Variants in TANK observed in about 807,000 individuals in gnomAD.
The protein encoded by TANK is TRAF family member-associated NF-kappa-B activator.
TANK carries 15 observed loss-of-function variants against 43.6 expected under a neutral mutation model. The ratio of observed to expected loss-of-function variants is 0.34; its 90% CI spans 0.23 to 0.53. The LOEUF (loss-of-function observed/expected upper bound fraction) is 0.53. Among genes scored for constraint, TANK ranks in the 20% least tolerant of loss-of-function variants. The probability of loss-of-function intolerance (pLI) is 0.94; values close to 1 mark genes in which losing one functional copy is unlikely to be tolerated. For missense variants in TANK, 417 were observed against 498.6 expected (o/e 0.84, Z 1.56); for synonymous variants, 162 against 178.2 (o/e 0.91, Z 0.73).
At chr2:161,198,985 C>T (rs1203204602) in intron 2 of TANK, among the ~76,000 whole-genome samples, 2 of 152,092 alleles carry the variant, frequency 1.3e-5, no homozygotes, top group East Asian at 1.9e-4. Flanking sequence ...TGTTTGATCT[C>T]GTACTATTTA....
At chr2:161,218,270 G>A (rs534688724) in intron 4 of TANK, among the ~76,000 whole-genome samples, 6 of 152,140 alleles carry the variant, frequency 3.9e-5, no homozygotes, top group African/African-American at 1.2e-4. Context: ...ATTTTTTATT[G>A]TATGACAGGA....
intron 4 of TANK, among the ~76,000 whole-genome samples, chr2:161,219,029 T>TA (rs564586029): frequency 1.6e-4 from 25 of 152,302 alleles, no homozygotes; most frequent in East Asian, 1.4e-3. Context: ...TATTTTGCAT[T>TA]AAAAAAGCAT....
chr2:161,179,433 A>C, intron 1 of TANK, 181 bp from the exon 2 acceptor site: 1 of 468,482 alleles, frequency 2.1e-6, no homozygotes, highest in Non-Finnish European at 3.5e-6. Context: ...AGAATATTTT[A>C]AAATTGTGGA....
At chr2:161,183,135 A>G (rs3769977) in intron 2 of TANK, among the ~76,000 whole-genome samples, 6,183 of 152,244 alleles carry the variant, frequency 0.041, 264 homozygotes, top group East Asian at 0.18. Flanking sequence ...TCTAATTGAT[A>G]AATCTATAAA....
intron 1 of TANK, among the ~76,000 whole-genome samples, chr2:161,138,430 C>T (rs1356197853): frequency 6.6e-6 from 1 of 152,126 alleles, no homozygotes; most frequent in East Asian, 1.9e-4. Context: ...GATGTCATAT[C>T]CCAAAAGATG....
intron 1 of TANK, chr2:161,161,341 G>A (rs1193670104): frequency 1.3e-6 from 2 of 1,550,710 alleles, no homozygotes; most frequent in East Asian, 4.9e-5. Flanking sequence ...AAGTGAAGAA[G>A]CGACGTGAAA....
intron 1 of TANK, among the ~76,000 whole-genome samples, chr2:161,152,784 G>T (rs1684115418): frequency 6.6e-6 from 1 of 152,142 alleles, no homozygotes; most frequent in Non-Finnish European, 1.5e-5. Context: ...TTCACACTGA[G>T]AAGGTCTAGA....
At chr2:161,169,490 TAA>T (rs1000858373) in intron 1 of TANK, among the ~76,000 whole-genome samples, 5 of 152,138 alleles carry the variant, frequency 3.3e-5, no homozygotes, top group Non-Finnish European at 7.4e-5. Context: ...AGGGGATATT[TAA>T]AGAGAGCTGA....
intron 2 of TANK, among the ~76,000 whole-genome samples, chr2:161,192,069 T>C (rs1395733458): frequency 6.6e-6 from 1 of 152,182 alleles, no homozygotes; most frequent in Non-Finnish European, 1.5e-5. Flanking sequence ...ATTACAGGTG[T>C]GAGCCACCAT....
chr2:161,158,730 G>T (rs1038945598), upstream of TANK, among the ~76,000 whole-genome samples: 1 of 152,188 alleles, frequency 6.6e-6, no homozygotes, highest in Non-Finnish European at 1.5e-5. Context: ...AAGAATTTCT[G>T]CTTTGCAATA....
intron 2 of TANK, chr2:161,200,425 A>G (rs1686351452): frequency 2.1e-6 from 2 of 950,200 alleles, no homozygotes; most frequent in Non-Finnish European, 2.5e-6. Flanking sequence ...AAAAAAAAAG[A>G]CTAGTTTCAT....
intron 1 of TANK, among the ~76,000 whole-genome samples, chr2:161,172,731 C>G (rs991484360): frequency 6.6e-6 from 1 of 152,110 alleles, no homozygotes; most frequent in Non-Finnish European, 1.5e-5. Context: ...TTCTGAGGTC[C>G]CATTTCAGGC....
intron 4 of TANK, 188 bp downstream of exon 4, chr2:161,204,981 C>T (rs1448042397): frequency 5.1e-6 from 7 of 1,359,322 alleles, no homozygotes; most frequent in African/African-American, 4.6e-5. Context: ...TTTGTATTTC[C>T]TACTGACCGT....
At position 161,232,474 on chromosome 2, in the gene TANK, C is replaced by T. The variant is rs368997043; in HGVS notation, c.1101+923C>T. On this transcript the variant is annotated intron_variant, in intron 7 of 7. Coordinates refer to ENST00000392749, the MANE Select transcript of TANK (RefSeq NM_001199135.3). Reference sequence around the variant, plus strand: ...GACTTAAATCAGCACGCAAAGAAGGCAGTTGTCAAGCTGTGGTATATTTTA... The same window carrying T: ...GACTTAAATCAGCACGCAAAGAAGGTAGTTGTCAAGCTGTGGTATATTTTA... Among the ~76,000 whole-genome samples the T allele has an allele frequency of 2.6e-5, 4 of 152,140 alleles. No homozygotes were observed. In the South Asian group the frequency reaches 8.3e-4, roughly 31 times the overall value.
intron 2 of TANK, among the ~76,000 whole-genome samples, chr2:161,182,313 T>C (rs994379348): frequency 2.2e-4 from 34 of 152,026 alleles, no homozygotes; most frequent in African/African-American, 8.2e-4. Context: ...AGTAAAGGGC[T>C]CAGTCCCACA....
chr2:161,198,470 G>C (rs539245476), intron 2 of TANK, among the ~76,000 whole-genome samples: 1 of 152,210 alleles, frequency 6.6e-6, no homozygotes, highest in Non-Finnish European at 1.5e-5. Flanking sequence ...ACTGGTCTGG[G>C]GTCTTGGGAT....
At chr2:161,160,711 G>A (rs1192234820) in intron 1 of TANK, 1 of 499,554 alleles carries the variant, frequency 2.0e-6, no homozygotes, top group Non-Finnish European at 3.9e-6. Flanking sequence ...TGGTTTCCGG[G>A]CCCGCGATGT....
chr2:161,220,036 C>T (rs1233249343), intron 4 of TANK, among the ~76,000 whole-genome samples: 1 of 152,152 alleles, frequency 6.6e-6, no homozygotes, highest in Non-Finnish European at 1.5e-5. Flanking sequence ...GTTTTAAAAG[C>T]ATATTTCTAT....
At chr2:161,172,744 A>G (rs1180705610) in intron 1 of TANK, among the ~76,000 whole-genome samples, 2 of 152,134 alleles carry the variant, frequency 1.3e-5, no homozygotes, top group Admixed American at 1.3e-4. Context: ...TTTCAGGCCA[A>G]CTGATTTGCA....
Sources: allele counts gnomAD v4.1 joint callset (sites outside exome capture counted in the v4.1 genomes callset), GRCh38; gene constraint gnomAD v4.1.1; transcripts MANE v1.5; gene names NCBI Gene and HGNC (gene_info 2026-07-23, HGNC 2026-07-21).